Variants in EBF1 observed in about 807,000 individuals in gnomAD.
EBF1 encodes EBF transcription factor 1, also known as transcription factor COE1.
EBF1 carries 10 observed loss-of-function variants against 68.4 expected under a neutral mutation model. The observed-to-expected ratio is 0.15, with a 90% CI of 0.09 to 0.25. The LOEUF is 0.25. Ranked by LOEUF, EBF1 falls within the 10% of genes least tolerant of loss-of-function variation. The probability of loss-of-function intolerance (pLI) is 1.00; values close to 1 mark genes in which losing one functional copy is unlikely to be tolerated. For missense variants in EBF1, 509 were observed against 794.4 expected, an observed-to-expected ratio of 0.64 and a Z score of 4.32; for synonymous variants, 298 against 299.8, an observed-to-expected ratio of 0.99 and a Z score of 0.06.
In EBF1 at chr5:159,006,493, G is replaced by A. The variant is rs10075653; in HGVS notation, c.554+66903C>T. Among the ~76,000 whole-genome samples, 564 of 152,080 alleles carry A rather than the reference G, an allele frequency of 3.7e-3. 6 individuals are homozygous for A. Among genetic ancestry groups the A allele is most frequent in the African/African-American group, 0.013 (541 of 41,466 alleles). ...CTGACCAATTTGGTCATTAGTGAGT[G>A]TGGCACTTTTATTCCTCTCTTAGAG... On this transcript the variant is annotated intron_variant, in intron 6 of 15. Transcript: ENST00000313708.
rs117362846 is a variant in EBF1, at chr5:158,800,473, G to A, written c.779-3998C>T. ...TTTGTATGATTTAAATTTTTTCAAT[G>A]TGTACAAATAAGGTACTATGTAATA... is the stretch of plus-strand genomic sequence containing the variant. On this transcript the variant is annotated intron_variant, in intron 8 of 15. Transcript: ENST00000313708. 4.9e-4 allele frequency among the ~76,000 whole-genome samples: 75 copies of A among 152,230 alleles called. No homozygotes were observed. The East Asian group carries it at 0.014, about 28-fold the overall frequency.
At chr5:159,003,060 G>A (rs1228287871) in intron 6 of EBF1, among the ~76,000 whole-genome samples, 1 of 152,198 alleles carries the variant, frequency 6.6e-6, no homozygotes, top group Non-Finnish European at 1.5e-5. Flanking sequence ...CTCAAGAAAG[G>A]TAAGATCTTG....
chr5:159,050,247 CCTCCCTCTCCCT>C (rs1314547785), intron 6 of EBF1, among the ~76,000 whole-genome samples: 2 of 148,466 alleles, frequency 1.3e-5, no homozygotes, highest in African/African-American at 5.0e-5. Context: ...TCTCTCCTCT[CCTCCCTCTCCCT>C]CTCTGCATTG....
At chr5:158,993,174 G>C (rs1760728034) in intron 6 of EBF1, among the ~76,000 whole-genome samples, 1 of 151,594 alleles carries the variant, frequency 6.6e-6, no homozygotes, top group Admixed American at 6.6e-5. Flanking sequence ...AGCCTTCCAA[G>C]TAGCCGGGAT....
chr5:158,940,774 C>CCCCCCCCCCCCCA (rs1813148834), intron 6 of EBF1, among the ~76,000 whole-genome samples: 1 of 38,472 alleles, frequency 2.6e-5, no homozygotes, highest in African/African-American at 7.3e-5. Flanking sequence ...CCCCCCCCCC[C>CCCCCCCCCCCCCA]CCCCCGCAGG....
In EBF1 at chr5:158,707,588, G is replaced by T. The variant is rs112647753; in HGVS notation, c.1744+391C>A. The T allele has an allele frequency of 8.5e-3, 2,164 of 255,996 alleles. 90 individuals are homozygous for T. Among genetic ancestry groups the T allele is most frequent in the Admixed American group, 0.071 (1,486 of 20,988 alleles). 15.9% of individuals were successfully genotyped at this position (255,996 alleles called of 1,614,324 possible). On this transcript the variant is annotated intron_variant, in intron 15 of 15. Transcript: ENST00000313708. ...CCTACTTCAGGAGAAGGCCAGTCCC[G>T]GGAGAGACCCTGCACTGGAGAACTT...
At chr5:158,869,505 C>A (rs989095757) in intron 6 of EBF1, among the ~76,000 whole-genome samples, 1 of 151,950 alleles carries the variant, frequency 6.6e-6, no homozygotes, top group Non-Finnish European at 1.5e-5. Flanking sequence ...CCTATTTCCT[C>A]TTCTCCAAAC....
At chr5:159,078,164 G>A (rs932943061) in intron 5 of EBF1, among the ~76,000 whole-genome samples, 8 of 152,262 alleles carry the variant, frequency 5.3e-5, no homozygotes, top group Admixed American at 2.0e-4. Context: ...TCCTAGAGCC[G>A]AGCAGAGTGA....
chr5:159,008,350 G>C (rs1763967889), intron 6 of EBF1, among the ~76,000 whole-genome samples: 1 of 151,866 alleles, frequency 6.6e-6, no homozygotes, highest in Non-Finnish European at 1.5e-5. Context: ...CAATAGCGAG[G>C]ATCTTTTTAA....
chr5:158,963,634 T>C (rs899190578), intron 6 of EBF1, among the ~76,000 whole-genome samples: 26 of 152,186 alleles, frequency 1.7e-4, no homozygotes, highest in Admixed American at 1.6e-3. Context: ...AAGCTGGTGG[T>C]CACCTGATCC....
intron 6 of EBF1, among the ~76,000 whole-genome samples, chr5:158,851,679 T>G (rs1434924486): frequency 0.014 from 461 of 33,296 alleles, no homozygotes; most frequent in Middle Eastern, 0.056. Context: ...GGAAGGGAAG[T>G]AGGGAGGAGA....
intron 6 of EBF1, among the ~76,000 whole-genome samples, chr5:159,027,151 T>A (rs978119937): frequency 1.3e-5 from 2 of 152,146 alleles, no homozygotes; most frequent in Non-Finnish European, 2.9e-5. Context: ...GTAGCCTGAT[T>A]TTTTTCATGA....
chr5:158,709,315 C>G (rs1758622931), intron 14 of EBF1, among the ~76,000 whole-genome samples: 1 of 149,296 alleles, frequency 6.7e-6, no homozygotes, highest in East Asian at 1.9e-4. Context: ...TAAGTCGGGG[C>G]CTATCACATA....
At chr5:158,719,987 C>A (rs1761587217) in intron 11 of EBF1, among the ~76,000 whole-genome samples, 1 of 152,078 alleles carries the variant, frequency 6.6e-6, no homozygotes, top group Non-Finnish European at 1.5e-5. Flanking sequence ...GAAAGAAGCA[C>A]AATACTTCCC....
intron 6 of EBF1, among the ~76,000 whole-genome samples, chr5:159,008,106 A>G (rs1163570763): frequency 6.6e-6 from 1 of 152,224 alleles, no homozygotes; most frequent in Non-Finnish European, 1.5e-5. Context: ...ACAACTCATC[A>G]TGGTTCCATG....
At chr5:159,043,467 A>G (rs1038797057) in intron 6 of EBF1, among the ~76,000 whole-genome samples, 1 of 152,208 alleles carries the variant, frequency 6.6e-6, no homozygotes, top group Admixed American at 6.5e-5. Flanking sequence ...TGTAAAGTCT[A>G]TGCAAAGTCT....
intron 6 of EBF1, among the ~76,000 whole-genome samples, chr5:158,859,675 G>A (rs1337708495): frequency 6.6e-6 from 1 of 152,160 alleles, no homozygotes; most frequent in African/African-American, 2.4e-5. Flanking sequence ...GGCCCCGGAA[G>A]TTGGCCACTT....
At chr5:158,796,620 C>G in intron 8 of EBF1, 145 bp from the exon 9 acceptor site, 1 of 988,418 alleles carries the variant, frequency 1.0e-6, no homozygotes. Context: ...TTCCCAGCCA[C>G]ATTAGGACCT....
intron 8 of EBF1, among the ~76,000 whole-genome samples, chr5:158,814,278 G>A (rs530480142): frequency 6.6e-6 from 1 of 152,154 alleles, no homozygotes; most frequent in Non-Finnish European, 1.5e-5. Context: ...AGGAGTTTGA[G>A]GCTAAAGTGA....
Sources: allele counts gnomAD v4.1 joint callset (sites outside exome capture counted in the v4.1 genomes callset), GRCh38; gene constraint gnomAD v4.1.1; transcripts MANE v1.5; gene names NCBI Gene and HGNC (gene_info 2026-07-23, HGNC 2026-07-21).